The following ARHGEF3 variants were observed in gnomAD, a reference collection of about 807,000 sequenced individuals.
ARHGEF3 encodes the protein Rho guanine nucleotide exchange factor 3, also known as 59.8 kDA protein.
In ARHGEF3, 28 loss-of-function variants were observed where a neutral mutation model predicts 63.2. The ratio of observed to expected loss-of-function variants is 0.44; its 90% confidence interval spans 0.33 to 0.61. ARHGEF3 has a LOEUF of 0.61. Ranked by LOEUF, ARHGEF3 falls within the 20% of genes least tolerant of loss-of-function variation. ARHGEF3 has a pLI of 0.03. For synonymous variants in ARHGEF3, 266 were observed against 254.2 expected (o/e 1.05, Z -0.44); for missense variants, 533 against 659.3 (o/e 0.81, Z 2.10).
intron 2 of ARHGEF3, among the ~76,000 whole-genome samples, chr3:56,984,599 T>C (rs1000309843): frequency 1.3e-5 from 2 of 152,152 alleles, no homozygotes; most frequent in Non-Finnish European, 2.9e-5. Flanking sequence ...GAAAACACTA[T>C]AATATTGATC....
At chr3:56,954,276 G>C (rs1293543182) in intron 3 of ARHGEF3, among the ~76,000 whole-genome samples, 4 of 152,172 alleles carry the variant, frequency 2.6e-5, no homozygotes, top group African/African-American at 9.6e-5. Flanking sequence ...GACTTTCACA[G>C]CTCTAGGGTG....
At chr3:56,779,492 T>A (rs186374200) in intron 1 of ARHGEF3, among the ~76,000 whole-genome samples, 176 of 152,192 alleles carry the variant, frequency 1.2e-3, no homozygotes, top group Non-Finnish European at 2.0e-3. Context: ...TTTTATTTTT[T>A]TTTTTTGTTT....
chr3:57,000,310 C>CACACACACA lies in ARHGEF3; in HGVS notation c.62+34777_62+34778insTGTGTGTGT, dbSNP rs1560120499. On this transcript the variant is annotated intron_variant, in intron 2 of 12. Coordinates refer to the ARHGEF3 transcript ENST00000338458. ...AAGTCCTTTTTTTAGAGGGTAACTC[C>CACACACACA]CACACACACACACACACACACACAC... Among the ~76,000 whole-genome samples, 1,293 of 139,254 alleles carry CACACACACA rather than the reference C, an allele frequency of 9.3e-3. 20 individuals carry two copies. The highest frequency in any genetic ancestry group is 0.032 in the African/African-American group (1,177 of 36,386). 91.4% of individuals were successfully genotyped at this position (139,254 alleles called of 152,430 possible). A position where few individuals can be genotyped will look rare whatever the true frequency, so the allele number is the denominator to read the frequency against.
At chr3:56,882,392 T>C (rs991682634) in intron 3 of ARHGEF3, 3 of 1,534,312 alleles carry the variant, frequency 2.0e-6, no homozygotes, top group African/African-American at 2.8e-5. Flanking sequence ...CAAAGGTAAG[T>C]AGGGGTTATG....
intron 2 of ARHGEF3, chr3:56,958,909 G>A (rs1324849735): frequency 1.9e-6 from 3 of 1,544,310 alleles, no homozygotes; most frequent in Non-Finnish European, 2.6e-6. Context: ...AAAAGACAAT[G>A]TATTCATTAT....
At chr3:56,894,915 A>G (rs551503530) in intron 3 of ARHGEF3, among the ~76,000 whole-genome samples, 2 of 152,200 alleles carry the variant, frequency 1.3e-5, no homozygotes, top group South Asian at 4.1e-4. Context: ...TGAAGCAAAG[A>G]CTCCGGATTA....
intron 3 of ARHGEF3, among the ~76,000 whole-genome samples, chr3:56,956,220 T>G (rs1218852133): frequency 9.3e-6 from 1 of 107,080 alleles, no homozygotes; most frequent in Non-Finnish European, 2.1e-5. Flanking sequence ...GGTTGGTGTT[T>G]TTTTTTTTTT....
At chr3:56,834,213 T>C (rs1459914681) in intron 4 of ARHGEF3, among the ~76,000 whole-genome samples, 1 of 152,168 alleles carries the variant, frequency 6.6e-6, no homozygotes, top group Non-Finnish European at 1.5e-5. Context: ...TGTGAATGTA[T>C]TAAATGCCCC....
At chr3:56,807,253 G>A (rs140074222) in intron 4 of ARHGEF3, among the ~76,000 whole-genome samples, 24 of 152,246 alleles carry the variant, frequency 1.6e-4, no homozygotes, top group African/African-American at 4.8e-4. Context: ...ATTAATGAAT[G>A]CTTATTACAG....
At position 56,967,674 on chromosome 3, in the gene ARHGEF3, TTATTA is replaced by T. The variant is rs1205165581; in HGVS notation, c.63-8790_63-8786del. ...ATAAAATAGCTATTATATATAATAC[TTATTA>T]TATTATATATAACATAATAAACATT... On this transcript the variant is annotated intron_variant, in intron 2 of 12. Transcript: ENST00000338458. Among the ~76,000 whole-genome samples the T allele has an allele frequency of 9.8e-5, 8 of 81,806 alleles. No individual in the cohort carries two copies. The East Asian group carries it at 3.4e-3, about 34-fold the overall frequency. 53.7% of individuals were successfully genotyped at this position (81,806 alleles called of 152,430 possible). A position where few individuals can be genotyped will look rare whatever the true frequency, so the allele number is the denominator to read the frequency against.
chr3:56,804,068 GAGAC>G (rs1453403144), upstream of ARHGEF3, among the ~76,000 whole-genome samples: 1 of 151,720 alleles, frequency 6.6e-6, no homozygotes, highest in East Asian at 1.9e-4. Flanking sequence ...TATTTTTGTA[GAGAC>G]AGGGTTTTGC....
At chr3:56,781,548 T>A (rs1025508646) in intron 1 of ARHGEF3, among the ~76,000 whole-genome samples, 4 of 152,204 alleles carry the variant, frequency 2.6e-5, no homozygotes, top group African/African-American at 9.6e-5. Flanking sequence ...ACCCGGCCTC[T>A]GCTGACATTT....
At chr3:56,774,966 C>G (rs1465187479) in intron 1 of ARHGEF3, 1 of 1,429,150 alleles carries the variant, frequency 7.0e-7, no homozygotes, top group African/African-American at 1.5e-5. Context: ...TGATGATAGA[C>G]AAAACATTTT....
At chr3:57,053,318 A>C (rs1306366709) in intron 1 of ARHGEF3, among the ~76,000 whole-genome samples, 1 of 152,024 alleles carries the variant, frequency 6.6e-6, no homozygotes, top group African/African-American at 2.4e-5. Context: ...AGGAGCAATC[A>C]CCGCTGCCCA....
At chr3:56,748,058 T>C (rs1330067537) in intron 6 of ARHGEF3, among the ~76,000 whole-genome samples, 1 of 152,220 alleles carries the variant, frequency 6.6e-6, no homozygotes, top group Non-Finnish European at 1.5e-5. Flanking sequence ...GTTTTCGAGA[T>C]AGGGTCTCCC....
chr3:57,006,252 A>G (rs1702462760), intron 2 of ARHGEF3, among the ~76,000 whole-genome samples: 1 of 152,222 alleles, frequency 6.6e-6, no homozygotes, highest in Non-Finnish European at 1.5e-5. Context: ...AATCACTGAG[A>G]AGCCAAGTTC....
intron 4 of ARHGEF3, among the ~76,000 whole-genome samples, chr3:56,829,066 C>T (rs772851019): frequency 2.0e-5 from 3 of 152,114 alleles, no homozygotes; most frequent in Admixed American, 6.5e-5. Flanking sequence ...GCTGGGATTA[C>T]AGGTGCATGC....
At chr3:56,867,629 C>G (rs890407432) in intron 4 of ARHGEF3, among the ~76,000 whole-genome samples, 2 of 152,090 alleles carry the variant, frequency 1.3e-5, no homozygotes, top group Admixed American at 6.6e-5. Context: ...CACCACCATG[C>G]CTGGATAATT....
At chr3:56,921,208 G>GAA (rs200898119) in intron 3 of ARHGEF3, among the ~76,000 whole-genome samples, 8 of 110,446 alleles carry the variant, frequency 7.2e-5, no homozygotes, top group East Asian at 4.7e-4. Flanking sequence ...TCCATAAAAA[G>GAA]AAAAAAAAAA....
Sources: allele counts gnomAD v4.1 joint callset (sites outside exome capture counted in the v4.1 genomes callset), GRCh38; gene constraint gnomAD v4.1.1; transcripts MANE v1.5; gene names NCBI Gene and HGNC (gene_info 2026-07-23, HGNC 2026-07-21).